Variants in PTPN14 observed in about 807,000 individuals in gnomAD.
PTPN14 encodes the protein protein tyrosine phosphatase non-receptor type 14.
In PTPN14, 53 loss-of-function variants were observed where a neutral mutation model predicts 126.8. That is an observed-to-expected ratio of 0.42 (90% CI 0.34 to 0.53). The LOEUF (loss-of-function observed/expected upper bound fraction) is 0.53. PTPN14 is among the 20% of genes least tolerant of loss of function. The probability of loss-of-function intolerance (pLI) is 0.08; values close to 1 mark genes in which losing one functional copy is unlikely to be tolerated. For synonymous variants in PTPN14, 630 were observed against 599.3 expected (o/e 1.05, Z -0.75); for missense variants, 1,257 against 1,552.9 (o/e 0.81, Z 3.20).
intron 1 of PTPN14, among the ~76,000 whole-genome samples, chr1:214,489,885 C>T (rs1262625108): frequency 6.6e-6 from 1 of 152,224 alleles, no homozygotes; most frequent in Non-Finnish European, 1.5e-5. Flanking sequence ...TATTTAACCT[C>T]TCTAAGCCTC....
At chr1:214,532,660 G>A (rs1054671133) in intron 1 of PTPN14, 3 of 856,166 alleles carry the variant, frequency 3.5e-6, no homozygotes, top group African/African-American at 3.3e-5. Context: ...TGCCCATCTT[G>A]CTGCTGATGA....
chr1:214,486,372 T>C (rs1202511275), intron 1 of PTPN14, among the ~76,000 whole-genome samples: 1 of 152,180 alleles, frequency 6.6e-6, no homozygotes, highest in Non-Finnish European at 1.5e-5. Flanking sequence ...TCATACTGTC[T>C]CCATTAGGCT....
chr1:214,394,978 T>A lies in PTPN14; in HGVS notation c.767A>T (p.Asp256Val), dbSNP rs1558083835. ...CTTGTTATGAGTGATATTCCCCATG[T>A]CATTCCACCTGGTTAGAAGAAATGT... The part of the protein sequence containing the change: ...GRQAVIYRWN[D>V]MGNITHNKST... Residue 256 changes from aspartate (D) to valine (V), a missense_variant, in exon 9 of 19, where the codon GAC becomes GTC. Physicochemically the swap from Asp to Val is radical, Grantham distance 152 (BLOSUM62 -3). Around this residue, in one of 3 missense-constraint regions of PTPN14, gnomAD observed 1,021 missense variants for 1,183.3 expected, o/e 0.86. Coordinates refer to ENST00000366956, the MANE Select transcript of PTPN14 (RefSeq NM_005401.5). 1 of 1,611,704 alleles carries A rather than the reference T, an allele frequency of 6.2e-7. No individual in the cohort carries two copies. Among genetic ancestry groups the A allele is most frequent in the Non-Finnish European group, 8.5e-7 (1 of 1,177,870 alleles).
chr1:214,491,166 G>C (rs1661242756), intron 1 of PTPN14, among the ~76,000 whole-genome samples: 1 of 152,066 alleles, frequency 6.6e-6, no homozygotes, highest in African/African-American at 2.4e-5. Context: ...TCTTTAATAT[G>C]ATTTTTAAAT....
In PTPN14 at chr1:214,397,982, A is replaced by G. The variant is rs1360886869; in HGVS notation, c.689T>C (p.Val230Ala). The change falls in exon 8 of 19, where the codon GTA becomes GCA. Residue 230 changes from valine (V) to alanine (A), a missense_variant. This residue lies in a region of PTPN14 where 1,021 missense variants were observed against 1,183.3 expected (regional missense o/e 0.86). Coordinates refer to ENST00000366956, the MANE Select transcript of PTPN14 (RefSeq NM_005401.5). ...FPVKDNHGNC[V>A]HLGIFFMGIF... ...CCCCATAAAGAAAATGCCAAGGTGTACACAGTTTCCATGATTGTCCTGGGT... is the reference window on the plus strand; with the variant it reads ...CCCCATAAAGAAAATGCCAAGGTGTGCACAGTTTCCATGATTGTCCTGGGT... The G allele has an allele frequency of 5.6e-6, 9 of 1,612,458 alleles. No individual in the cohort carries two copies. Among genetic ancestry groups the G allele is most frequent in the Non-Finnish European group, 7.6e-6 (9 of 1,178,626 alleles).
chr1:214,504,827 G>T (rs1654793374), intron 1 of PTPN14, among the ~76,000 whole-genome samples: 1 of 152,098 alleles, frequency 6.6e-6, no homozygotes, highest in Non-Finnish European at 1.5e-5. Context: ...AGACAAGTAG[G>T]ACTGGCTTGG....
At chr1:214,424,104 T>G (rs543174565) in intron 3 of PTPN14, among the ~76,000 whole-genome samples, 18 of 152,116 alleles carry the variant, frequency 1.2e-4, no homozygotes, top group East Asian at 5.8e-4. Context: ...AAGACCAGCC[T>G]GGCCAAGATG....
At chr1:214,447,134 G>C (rs965846768) in intron 3 of PTPN14, among the ~76,000 whole-genome samples, 1 of 152,094 alleles carries the variant, frequency 6.6e-6, no homozygotes, top group Non-Finnish European at 1.5e-5. Context: ...CGGATGACTG[G>C]AGAGTTAGTC....
chr1:214,546,728 G>A (rs530513155), intron 1 of PTPN14, among the ~76,000 whole-genome samples: 85 of 152,228 alleles, frequency 5.6e-4, no homozygotes, highest in Middle Eastern at 3.4e-3. Context: ...ACGGCTCTCT[G>A]GATATGCAGT....
intron 3 of PTPN14, among the ~76,000 whole-genome samples, chr1:214,429,889 T>C (rs1178607312): frequency 6.6e-6 from 1 of 152,228 alleles, no homozygotes; most frequent in Non-Finnish European, 1.5e-5. Flanking sequence ...TATTTTATAA[T>C]GAACATACTG....
At chr1:214,538,717 C>T (rs554187338) in intron 1 of PTPN14, among the ~76,000 whole-genome samples, 5 of 152,182 alleles carry the variant, frequency 3.3e-5, no homozygotes, top group African/African-American at 4.8e-5. Context: ...TGCTTGCTTG[C>T]TTCTTGGCAG....
chr1:214,458,242 A>AT (rs1660429167), intron 2 of PTPN14, among the ~76,000 whole-genome samples: 1 of 151,992 alleles, frequency 6.6e-6, no homozygotes, highest in Non-Finnish European at 1.5e-5. Flanking sequence ...GTAGAGATGG[A>AT]TCTCACTATG....
At chr1:214,394,535 G>A (rs1658833116) in intron 9 of PTPN14, among the ~76,000 whole-genome samples, 1 of 152,274 alleles carries the variant, frequency 6.6e-6, no homozygotes, top group African/African-American at 2.4e-5. Flanking sequence ...AGCCTCCCGA[G>A]TAGCTGGGAC....
chr1:214,442,342 A>G (rs1409189882), intron 3 of PTPN14, among the ~76,000 whole-genome samples: 1 of 152,216 alleles, frequency 6.6e-6, no homozygotes, highest in Non-Finnish European at 1.5e-5. Flanking sequence ...TTGGTGCTCA[A>G]AAAGTTTTCA....
chr1:214,533,753 C>T (rs1444397293), intron 1 of PTPN14, among the ~76,000 whole-genome samples: 1 of 150,476 alleles, frequency 6.6e-6, no homozygotes, highest in Non-Finnish European at 1.5e-5. Flanking sequence ...GGGAGAATGG[C>T]GTGAACCCGG....
intron 1 of PTPN14, chr1:214,532,366 G>C: frequency 1.7e-6 from 1 of 596,000 alleles, no homozygotes; most frequent in South Asian, 1.7e-5. Flanking sequence ...GGGTCCCGGG[G>C]CCTGGCCGCA....
In PTPN14 at chr1:214,391,140, T is replaced by C. The variant is rs763562196; in HGVS notation, c.930-95A>G. The C allele has an allele frequency of 9.9e-6, 8 of 807,996 alleles. No homozygotes were observed. In the South Asian group the frequency reaches 2.5e-4, roughly 25 times the overall value. 50.1% of individuals were successfully genotyped at this position (807,996 alleles called of 1,614,324 possible). On this transcript the variant is annotated intron_variant, in intron 10 of 18. Transcript: ENST00000366956. Reference sequence around the variant, plus strand: ...AGGAGAGGAAGAGAATAAACAAGACTGGTAATCGTTATATCAAAACATAAA... The same window carrying C: ...AGGAGAGGAAGAGAATAAACAAGACCGGTAATCGTTATATCAAAACATAAA...
At chr1:214,464,531 G>A in intron 2 of PTPN14, 99 bp downstream of exon 2, 2 of 1,456,608 alleles carry the variant, frequency 1.4e-6, no homozygotes, top group Non-Finnish European at 1.9e-6. Flanking sequence ...AAACACAACA[G>A]ATGCCAAAAA....
intron 3 of PTPN14, among the ~76,000 whole-genome samples, chr1:214,427,304 A>G (rs1253333561): frequency 1.4e-5 from 2 of 144,236 alleles, no homozygotes; most frequent in Non-Finnish European, 3.0e-5. Context: ...AAAAAAAATT[A>G]TGATTGCAGA....
Sources: gnomAD v4.1 joint callset for allele counts (sites outside exome capture counted in the v4.1 genomes callset) on GRCh38, gnomAD v4.1.1 for gene constraint, gnomAD v4.1.1 regional missense constraint, MANE v1.5 for transcripts, NCBI Gene and HGNC (gene_info 2026-07-23, HGNC 2026-07-21) for gene names.